FER: variants seen among roughly 807,000 people sequenced by gnomAD.
The protein encoded by FER is FER tyrosine kinase.
A neutral mutation model predicts 111.0 loss-of-function variants in FER; 63 were observed. That is an observed-to-expected ratio of 0.57 (90% CI 0.46 to 0.70). FER has a LOEUF of 0.70. Among genes scored for constraint, FER ranks in the 30% least tolerant of loss-of-function variants. The pLI is 0.00. For synonymous variants in FER, 327 were observed against 313.9 expected (o/e 1.04, Z -0.44); for missense variants, 914 against 954.0 (o/e 0.96, Z 0.55).
chr5:108,935,244 A>G (rs942180688), intron 10 of FER, among the ~76,000 whole-genome samples: 1 of 152,136 alleles, frequency 6.6e-6, no homozygotes, highest in Non-Finnish European at 1.5e-5. Context: ...TGATTCCTTC[A>G]GGAGTCTCTG....
chr5:109,165,830 T>A (rs1181000881), intron 17 of FER, among the ~76,000 whole-genome samples: 1 of 152,196 alleles, frequency 6.6e-6, no homozygotes, highest in Non-Finnish European at 1.5e-5. Context: ...CTTCATGCCC[T>A]GTAATTCACT....
chr5:108,758,993 A>G (rs1751421691), intron 1 of FER, among the ~76,000 whole-genome samples: 1 of 152,222 alleles, frequency 6.6e-6, no homozygotes, highest in South Asian at 2.1e-4. Flanking sequence ...CAAGAAAAGA[A>G]GACAACTAAG....
At chr5:109,053,741 A>G (rs1327958752) in intron 16 of FER, among the ~76,000 whole-genome samples, 1 of 130,170 alleles carries the variant, frequency 7.7e-6, no homozygotes, top group African/African-American at 3.0e-5. Context: ...CCCAGGCTGG[A>G]GTGCAGTGGT....
At chr5:109,014,460 C>T (rs550322960) in intron 13 of FER, among the ~76,000 whole-genome samples, 177 of 151,818 alleles carry the variant, frequency 1.2e-3, no homozygotes, top group African/African-American at 3.9e-3. Flanking sequence ...TTGGTACCAG[C>T]ACCATGCTGT....
At chr5:109,074,468 C>T (rs1266422359) in intron 16 of FER, among the ~76,000 whole-genome samples, 4 of 152,310 alleles carry the variant, frequency 2.6e-5, no homozygotes, top group Middle Eastern at 3.4e-3. Context: ...ACTCAATAAA[C>T]TCTACCACAT....
intron 16 of FER, among the ~76,000 whole-genome samples, chr5:109,095,669 C>T (rs1747420296): frequency 6.6e-6 from 1 of 151,914 alleles, no homozygotes; most frequent in Non-Finnish European, 1.5e-5. Context: ...TTTGTCATAT[C>T]GATTTTTCCC....
intron 13 of FER, among the ~76,000 whole-genome samples, chr5:108,966,577 G>A (rs551201076): frequency 2.0e-5 from 3 of 151,716 alleles, no homozygotes; most frequent in Admixed American, 6.6e-5. Flanking sequence ...TAGTAGAGAC[G>A]GGGTTTCATC....
intron 9 of FER, among the ~76,000 whole-genome samples, chr5:108,888,276 A>G (rs969390053): frequency 6.6e-6 from 1 of 151,926 alleles, no homozygotes; most frequent in African/African-American, 2.4e-5. Flanking sequence ...AACAATGTTG[A>G]TTGTGCATCT....
intron 13 of FER, among the ~76,000 whole-genome samples, chr5:108,960,908 A>G (rs916014334): frequency 1.3e-5 from 2 of 152,104 alleles, no homozygotes; most frequent in Non-Finnish European, 1.5e-5. Context: ...CTAGGTTACA[A>G]TTAAGTATAT....
intron 13 of FER, among the ~76,000 whole-genome samples, chr5:109,000,365 TAAAG>T (rs1165900197): frequency 2.0e-5 from 3 of 150,402 alleles, no homozygotes; most frequent in Non-Finnish European, 4.4e-5. Context: ...AAAAAATGAG[TAAAG>T]AAAGAGAACA....
At chr5:108,956,449 T>C (rs1758439920) in intron 12 of FER, among the ~76,000 whole-genome samples, 1 of 151,698 alleles carries the variant, frequency 6.6e-6, no homozygotes, top group South Asian at 2.1e-4. Context: ...AAATTGTAAC[T>C]ATAAGTATTT....
intron 13 of FER, among the ~76,000 whole-genome samples, chr5:109,021,046 A>G (rs561253494): frequency 6.6e-6 from 1 of 151,940 alleles, no homozygotes; most frequent in African/African-American, 2.4e-5. Context: ...GTTTTGCTTC[A>G]TATTAAGTAG....
Position 109,128,573 on chromosome 5 carries a change from C to G in FER, c.2048+28054C>G, listed in dbSNP as rs1176133548. 9.2e-5 allele frequency among the ~76,000 whole-genome samples: 14 copies of G among 152,086 alleles called. 1 individual carries two copies. The highest frequency in any genetic ancestry group is 8.5e-4 in the Admixed American group (13 of 15,268). On this transcript the variant is annotated intron_variant, in intron 17 of 19. Transcript: ENST00000281092. ...CTGGTGTTTACTCTCTTGTAGCATG[C>G]ACTTCTCATCATGTGTTTAAGCCCC...
At chr5:108,951,437 C>T (rs919604880) in intron 11 of FER, among the ~76,000 whole-genome samples, 9 of 152,022 alleles carry the variant, frequency 5.9e-5, no homozygotes, top group African/African-American at 2.2e-4. Flanking sequence ...ACCACTTAGC[C>T]ATGCTACCAG....
chr5:108,947,487 T>C (rs1757142381), intron 11 of FER, among the ~76,000 whole-genome samples: 1 of 152,124 alleles, frequency 6.6e-6, no homozygotes, highest in Non-Finnish European at 1.5e-5. Context: ...TATTGGCAGC[T>C]TATATGTGTT....
intron 4 of FER, 130 bp from the exon 5 acceptor site, chr5:108,835,578 T>C (rs899820813): frequency 2.0e-6 from 1 of 500,338 alleles, no homozygotes; most frequent in Non-Finnish European, 3.6e-6. Context: ...TTTTCTATAG[T>C]TGTATATTAA....
chr5:108,998,989 T>C (rs1442312127), intron 13 of FER, among the ~76,000 whole-genome samples: 2 of 152,338 alleles, frequency 1.3e-5, no homozygotes, highest in East Asian at 1.9e-4. Context: ...GTTTCAAACA[T>C]GAAAAAATAC....
intron 17 of FER, among the ~76,000 whole-genome samples, chr5:109,156,796 G>A (rs563127971): frequency 6.6e-6 from 1 of 152,018 alleles, no homozygotes; most frequent in East Asian, 1.9e-4. Flanking sequence ...CCCTGAGTAT[G>A]CATAGCATGT....
At chr5:109,036,068 T>A (rs1296852657) in intron 13 of FER, among the ~76,000 whole-genome samples, 1 of 152,172 alleles carries the variant, frequency 6.6e-6, no homozygotes, top group East Asian at 1.9e-4. Context: ...AGATAGAAAT[T>A]CAGTATTGCA....
Sources: allele counts gnomAD v4.1 joint callset (sites outside exome capture counted in the v4.1 genomes callset), GRCh38; gene constraint gnomAD v4.1.1; transcripts MANE v1.5; gene names NCBI Gene and HGNC (gene_info 2026-07-23, HGNC 2026-07-21).